PTPRT: variants seen among roughly 807,000 people sequenced by gnomAD.
The protein encoded by PTPRT is protein tyrosine phosphatase receptor type T.
PTPRT carries 56 observed loss-of-function variants against 176.8 expected under a neutral mutation model. That is an observed-to-expected ratio of 0.32 (90% CI 0.26 to 0.40). PTPRT has a LOEUF of 0.40. Among genes scored for constraint, PTPRT ranks in the 10% least tolerant of loss-of-function variants. The pLI is 1.00. For synonymous variants in PTPRT, 783 were observed against 739.0 expected (o/e 1.06, Z -0.96); for missense variants, 1,540 against 1,908.2 (o/e 0.81, Z 3.60).
At chr20:42,924,082 T>C (rs1016610764) in intron 1 of PTPRT, among the ~76,000 whole-genome samples, 1 of 152,192 alleles carries the variant, frequency 6.6e-6, no homozygotes, top group African/African-American at 2.4e-5. Flanking sequence ...CTCGAACTCC[T>C]ACCCTCAAAT....
At chr20:42,344,628 C>T (rs992102133) in intron 11 of PTPRT, among the ~76,000 whole-genome samples, 7 of 152,088 alleles carry the variant, frequency 4.6e-5, no homozygotes, top group Admixed American at 2.0e-4. Context: ...CAGTGTGAAC[C>T]GGATGTTGGA....
chr20:42,824,986 A>C (rs538585089), intron 2 of PTPRT, among the ~76,000 whole-genome samples: 63 of 152,230 alleles, frequency 4.1e-4, no homozygotes, highest in African/African-American at 1.4e-3. Flanking sequence ...ATTTGGCTAT[A>C]TAATAAGGAA....
At chr20:42,243,360 A>G (rs759296430) in intron 14 of PTPRT, among the ~76,000 whole-genome samples, 1 of 152,194 alleles carries the variant, frequency 6.6e-6, no homozygotes, top group Non-Finnish European at 1.5e-5. Flanking sequence ...AACTACAACC[A>G]CCGGGTAGTG....
chr20:43,137,737 G>T (rs1404294321), intron 1 of PTPRT, among the ~76,000 whole-genome samples: 1 of 152,120 alleles, frequency 6.6e-6, no homozygotes, highest in Non-Finnish European at 1.5e-5. Context: ...GGCACCTTAG[G>T]CTGACCCTGC....
At chr20:42,738,697 C>T (rs376181539) in intron 6 of PTPRT, among the ~76,000 whole-genome samples, 2 of 152,198 alleles carry the variant, frequency 1.3e-5, no homozygotes, top group East Asian at 1.9e-4. Flanking sequence ...ATATTTGTCA[C>T]ATTAATCAGT....
intron 18 of PTPRT, among the ~76,000 whole-genome samples, chr20:42,139,137 T>G (rs1047646755): frequency 6.6e-6 from 1 of 152,216 alleles, no homozygotes; most frequent in East Asian, 1.9e-4. Flanking sequence ...TTCCCTTTTT[T>G]TCTTGATTCT....
intron 14 of PTPRT, among the ~76,000 whole-genome samples, chr20:42,240,924 T>C (rs2056341302): frequency 6.6e-6 from 1 of 152,234 alleles, no homozygotes; most frequent in Non-Finnish European, 1.5e-5. Context: ...ACTTAAATAC[T>C]GGGAGATCAA....
At chr20:42,526,008 GA>G (rs2072261348) in intron 7 of PTPRT, among the ~76,000 whole-genome samples, 1 of 151,220 alleles carries the variant, frequency 6.6e-6, no homozygotes. Context: ...TGTTACTATG[GA>G]GAGTGTTTTT....
chr20:42,083,828 G>A (rs1237967105), intron 29 of PTPRT, among the ~76,000 whole-genome samples: 6 of 152,224 alleles, frequency 3.9e-5, no homozygotes. Context: ...AAGTGAGTGT[G>A]AATCAAATAT....
chr20:43,041,408 A>C (rs1048621443), intron 1 of PTPRT, among the ~76,000 whole-genome samples: 1 of 152,268 alleles, frequency 6.6e-6, no homozygotes, highest in Non-Finnish European at 1.5e-5. Context: ...ACAACAGAGC[A>C]GAAAATTATG....
the PTPRT span, among the ~76,000 whole-genome samples, chr20:42,061,561 T>A: frequency 3.3e-5 from 5 of 152,214 alleles, no homozygotes; most frequent in Non-Finnish European, 7.3e-5. Context: ...TTAAAATTTT[T>A]ATCACTTCTT....
chr20:42,200,359 A>G (rs888612598), intron 15 of PTPRT, among the ~76,000 whole-genome samples: 3 of 152,230 alleles, frequency 2.0e-5, no homozygotes, highest in Admixed American at 6.5e-5. Flanking sequence ...TGCATAAAAT[A>G]CACAGAGCAC....
At position 42,727,972 on chromosome 20, in the gene PTPRT, T is replaced by G. The variant is rs77467438; in HGVS notation, c.859+28490A>C. Reference sequence around the variant, plus strand: ...CATCCTCCAAATACCACTGTATCTTTCCTCACATTGTGCCTCCATCCAGAG... The same window carrying G: ...CATCCTCCAAATACCACTGTATCTTGCCTCACATTGTGCCTCCATCCAGAG... On this transcript the variant is annotated intron_variant, in intron 6 of 30. Coordinates refer to ENST00000373187, the MANE Select transcript of PTPRT (RefSeq NM_007050.6). Among the ~76,000 whole-genome samples, 8 of 152,220 alleles carry G rather than the reference T, an allele frequency of 5.3e-5. No individual in the cohort carries two copies. In the East Asian group the frequency reaches 1.5e-3, roughly 29 times the overall value.
intron 9 of PTPRT, among the ~76,000 whole-genome samples, chr20:42,432,046 C>T (rs915841456): frequency 6.6e-6 from 1 of 152,212 alleles, no homozygotes; most frequent in African/African-American, 2.4e-5. Context: ...GGCTAGTCTT[C>T]AGGGGCATGG....
intron 1 of PTPRT, among the ~76,000 whole-genome samples, chr20:43,168,537 T>C (rs1162663933): frequency 6.6e-6 from 1 of 152,250 alleles, no homozygotes; most frequent in Non-Finnish European, 1.5e-5. Flanking sequence ...CATGCTGATA[T>C]GAATCTCTCA....
At position 42,871,310 on chromosome 20, in the gene PTPRT, CT is replaced by C. The variant is rs1399697740; in HGVS notation, c.214+14496del. On this transcript the variant is annotated intron_variant, in intron 2 of 30. Coordinates refer to ENST00000373187, the MANE Select transcript of PTPRT (RefSeq NM_007050.6). ...CTTTGGACAAATGTCTATTTCAGCC[CT>C]TTTTAAAAAAAAAAAAAAAATCAGG... Among the ~76,000 whole-genome samples, 28 of 10,008 alleles carry C rather than the reference CT, an allele frequency of 2.8e-3. 1 individual carries two copies. Among genetic ancestry groups the C allele is most frequent in the Admixed American group, 0.014 (9 of 624 alleles). The allele number at this position is 10,008 out of a possible 152,430, so 6.6% of individuals were successfully genotyped here.
intron 8 of PTPRT, among the ~76,000 whole-genome samples, chr20:42,449,394 C>T (rs1003252205): frequency 1.3e-5 from 2 of 152,150 alleles, no homozygotes; most frequent in African/African-American, 2.4e-5. Context: ...GTCTGGAAGA[C>T]GGTGAGCCAG....
chr20:42,640,973 A>G (rs2074733451), intron 7 of PTPRT, among the ~76,000 whole-genome samples: 1 of 152,144 alleles, frequency 6.6e-6, no homozygotes, highest in Non-Finnish European at 1.5e-5. Flanking sequence ...ATTTAGCATT[A>G]TATCATAAGC....
chr20:42,935,207 A>G (rs1980111803), intron 1 of PTPRT, among the ~76,000 whole-genome samples: 1 of 119,516 alleles, frequency 8.4e-6, no homozygotes, highest in Non-Finnish European at 1.6e-5. Context: ...TGGCATGATC[A>G]TAGCTCACTG....
Sources: allele counts gnomAD v4.1 joint callset (sites outside exome capture counted in the v4.1 genomes callset), GRCh38; gene constraint gnomAD v4.1.1; transcripts MANE v1.5; gene names NCBI Gene and HGNC (gene_info 2026-07-23, HGNC 2026-07-21).